The following TMEM132D variants were observed in gnomAD, a reference collection of about 807,000 sequenced individuals.
TMEM132D encodes the protein transmembrane protein 132D, also known as mature OL transmembrane protein.
A neutral mutation model predicts 62.3 loss-of-function variants in TMEM132D; 21 were observed. The observed-to-expected ratio is 0.34, with a 90% CI of 0.24 to 0.49. The LOEUF is 0.49. Among genes scored for constraint, TMEM132D ranks in the 20% least tolerant of loss-of-function variants. The probability of loss-of-function intolerance (pLI) is 0.99; values close to 1 mark genes in which losing one functional copy is unlikely to be tolerated. For missense variants in TMEM132D, 1,346 were observed against 1,402.8 expected (o/e 0.96, Z 0.65); for synonymous variants, 621 against 575.6 (o/e 1.08, Z -1.13).
intron 5 of TMEM132D, among the ~76,000 whole-genome samples, chr12:129,088,257 T>C (rs71446268): frequency 0.99 from 13,356 of 13,438 alleles, 6,653 homozygotes; most frequent in Middle Eastern, 1. Context: ...CCTCTATGAC[T>C]GGGTGTCCTC....
intron 2 of TMEM132D, among the ~76,000 whole-genome samples, chr12:129,581,054 C>T (rs187094429): frequency 7.9e-5 from 12 of 152,292 alleles, no homozygotes; most frequent in Non-Finnish European, 1.5e-4. Flanking sequence ...TCAGGCCTGC[C>T]GGCAGGGGTC....
At chr12:129,109,185 C>A (rs546492651) in intron 5 of TMEM132D, among the ~76,000 whole-genome samples, 2 of 152,272 alleles carry the variant, frequency 1.3e-5, no homozygotes, top group East Asian at 3.9e-4. Flanking sequence ...GAGGAAGAGA[C>A]CCCAGGCCCG....
chr12:129,522,470 T>A (rs923151199), intron 3 of TMEM132D: 1 of 152,102 alleles, frequency 6.6e-6, no homozygotes, highest in Non-Finnish European at 1.5e-5. Context: ...CATCCACACA[T>A]AGCATTTGTT....
chr12:129,690,349 A>G (rs1881034547), intron 2 of TMEM132D, among the ~76,000 whole-genome samples: 2 of 152,178 alleles, frequency 1.3e-5, no homozygotes, highest in Non-Finnish European at 2.9e-5. Context: ...ATATTAATCT[A>G]TATGAAAAGC....
intron 4 of TMEM132D, among the ~76,000 whole-genome samples, chr12:129,227,893 C>T (rs1346159130): frequency 6.6e-6 from 1 of 152,150 alleles, no homozygotes; most frequent in Non-Finnish European, 1.5e-5. Flanking sequence ...ATGATGGTTT[C>T]CAGCTTTATC....
At chr12:129,213,486 G>C (rs1879111173) in intron 4 of TMEM132D, among the ~76,000 whole-genome samples, 2 of 149,506 alleles carry the variant, frequency 1.3e-5, no homozygotes, top group Admixed American at 1.4e-4. Context: ...AACAGAGCGA[G>C]GCCTTCTCTC....
At chr12:129,578,268 G>A (rs1161083634) in intron 2 of TMEM132D, among the ~76,000 whole-genome samples, 2 of 152,000 alleles carry the variant, frequency 1.3e-5, no homozygotes, top group African/African-American at 4.8e-5. Context: ...CTTCCCCGGG[G>A]CCCCAGCTTG....
intron 4 of TMEM132D, among the ~76,000 whole-genome samples, chr12:129,333,796 G>A (rs996138289): frequency 2.0e-5 from 3 of 152,120 alleles, no homozygotes; most frequent in Admixed American, 2.0e-4. Context: ...ATGGAGAGGA[G>A]CACACTCTCC....
chr12:129,320,603 T>C (rs998719161), intron 4 of TMEM132D, among the ~76,000 whole-genome samples: 7 of 152,148 alleles, frequency 4.6e-5, no homozygotes, highest in African/African-American at 1.7e-4. Context: ...TGGTGTCTCA[T>C]CTAAGAGCCA....
intron 5 of TMEM132D, among the ~76,000 whole-genome samples, chr12:129,201,399 T>C (rs1330586975): frequency 6.6e-6 from 1 of 152,094 alleles, no homozygotes; most frequent in Non-Finnish European, 1.5e-5. Flanking sequence ...GGGACATGGG[T>C]TGCTTTTGCT....
At chr12:129,693,872 G>A (rs937399042) in intron 2 of TMEM132D, among the ~76,000 whole-genome samples, 26 of 152,128 alleles carry the variant, frequency 1.7e-4, no homozygotes, top group Non-Finnish European at 2.6e-4. Flanking sequence ...CAGCTACTGC[G>A]CATGTGCACC....
intron 2 of TMEM132D, among the ~76,000 whole-genome samples, chr12:129,587,970 A>ACCAGGTG: frequency 6.6e-6 from 1 of 152,128 alleles, no homozygotes; most frequent in Non-Finnish European, 1.5e-5. Flanking sequence ...GACAGACCTG[A>ACCAGGTG]GCTCCTCCTG....
chr12:129,178,775 C>T (rs989297940), intron 5 of TMEM132D, among the ~76,000 whole-genome samples: 1 of 152,158 alleles, frequency 6.6e-6, no homozygotes, highest in African/African-American at 2.4e-5. Flanking sequence ...TGTATACATG[C>T]TTTTGCAACC....
intron 3 of TMEM132D, among the ~76,000 whole-genome samples, chr12:129,519,635 G>T (rs1391397597): frequency 6.7e-6 from 1 of 149,596 alleles, no homozygotes; most frequent in Admixed American, 6.7e-5. Flanking sequence ...TTGAGATGGA[G>T]TCTTACTCTG....
At chr12:129,597,565 C>T (rs1878370394) in intron 2 of TMEM132D, among the ~76,000 whole-genome samples, 1 of 152,130 alleles carries the variant, frequency 6.6e-6, no homozygotes, top group African/African-American at 2.4e-5. Flanking sequence ...AATATTGTCT[C>T]TGAATCCATC....
intron 5 of TMEM132D, among the ~76,000 whole-genome samples, chr12:129,140,932 G>C (rs528937754): frequency 6.6e-6 from 1 of 152,172 alleles, no homozygotes; most frequent in African/African-American, 2.4e-5. Flanking sequence ...TCATTTGTAA[G>C]CCCGTGTCAG....
At position 129,089,355 on chromosome 12, in the gene TMEM132D, G is replaced by A. The variant is rs1164655426; in HGVS notation, c.1444-4653C>T. Among the ~76,000 whole-genome samples the A allele has an allele frequency of 9.4e-5, 5 of 52,968 alleles. 2 individuals are homozygous for A. The East Asian group carries it at 4.7e-3, about 50-fold the overall frequency. 34.7% of individuals were successfully genotyped at this position (52,968 alleles called of 152,430 possible). The stretch of plus-strand genomic sequence containing the variant: ...CCTGACCGGGATGTCCTCCATGACC[G>A]GGGTGTCCTCTATGACCGGGATGTC... On this transcript the variant is annotated intron_variant, in intron 5 of 8. Transcript: ENST00000422113.
intron 4 of TMEM132D, among the ~76,000 whole-genome samples, chr12:129,279,566 G>T (rs1881086198): frequency 6.6e-6 from 1 of 151,336 alleles, no homozygotes; most frequent in African/African-American, 2.4e-5. Context: ...TTTTTGAGGG[G>T]GGTATAAAAT....
At chr12:129,481,955 G>A (rs571137385) in intron 3 of TMEM132D, among the ~76,000 whole-genome samples, 14 of 152,324 alleles carry the variant, frequency 9.2e-5, no homozygotes, top group South Asian at 6.2e-4. Context: ...TTTAGCAAGC[G>A]GGAAGACTCA....
Sources: gnomAD v4.1 joint callset for allele counts (sites outside exome capture counted in the v4.1 genomes callset) on GRCh38, gnomAD v4.1.1 for gene constraint, MANE v1.5 for transcripts, NCBI Gene and HGNC (gene_info 2026-07-23, HGNC 2026-07-21) for gene names.